The following SDK1 variants were observed in gnomAD, a reference collection of about 807,000 sequenced individuals.
The protein encoded by SDK1 is protein sidekick-1.
In SDK1, 157 loss-of-function variants were observed where a neutral mutation model predicts 245.5. The ratio of observed to expected loss-of-function variants is 0.64; its 90% confidence interval spans 0.56 to 0.73. SDK1 has a LOEUF of 0.73. SDK1 is among the 30% of genes least tolerant of loss of function. SDK1 has a pLI of 0.00. For synonymous variants in SDK1, 1,647 were observed against 1,278.5 expected (o/e 1.29, Z -6.15); for missense variants, 3,583 against 3,002.3 (o/e 1.19, Z -4.52).
chr7:4,022,385 T>TA (rs1368440022), intron 17 of SDK1, among the ~76,000 whole-genome samples: 5 of 152,162 alleles, frequency 3.3e-5, no homozygotes, highest in Non-Finnish European at 7.3e-5. Flanking sequence ...TTGACTTTAA[T>TA]AAGGCCCTTG....
chr7:4,207,682 C>A (rs566569202), intron 36 of SDK1, among the ~76,000 whole-genome samples: 1 of 152,164 alleles, frequency 6.6e-6, no homozygotes, highest in South Asian at 2.1e-4. Flanking sequence ...CACGGGGCGG[C>A]TTCCCTTCTC....
At chr7:3,502,452 G>A (rs528057242) in intron 1 of SDK1, among the ~76,000 whole-genome samples, 110 of 152,214 alleles carry the variant, frequency 7.2e-4, no homozygotes, top group African/African-American at 2.6e-3. Flanking sequence ...GTTTCCCTAT[G>A]TTGGCCAGGC....
At chr7:3,557,988 T>C (rs551331715) in intron 1 of SDK1, among the ~76,000 whole-genome samples, 1 of 152,228 alleles carries the variant, frequency 6.6e-6, no homozygotes, top group East Asian at 1.9e-4. Context: ...AAGCATAGTT[T>C]TGTTTCCCTC....
chr7:3,357,944 A>G (rs943536048), intron 1 of SDK1, among the ~76,000 whole-genome samples: 2 of 152,180 alleles, frequency 1.3e-5, no homozygotes, highest in African/African-American at 2.4e-5. Context: ...AACATAAATG[A>G]TGTAGCATAA....
intron 1 of SDK1, among the ~76,000 whole-genome samples, chr7:3,474,147 G>C (rs567750960): frequency 3.9e-5 from 5 of 129,696 alleles, no homozygotes; most frequent in African/African-American, 1.5e-4. Context: ...CTGTTGCCCA[G>C]GCTGGGGCGC....
intron 1 of SDK1, among the ~76,000 whole-genome samples, chr7:3,415,391 A>T (rs73034783): frequency 0.016 from 2,434 of 152,236 alleles, 54 homozygotes; most frequent in South Asian, 0.059. Flanking sequence ...TAGAGAAGTT[A>T]TATCTATATG....
intron 5 of SDK1, among the ~76,000 whole-genome samples, chr7:3,855,890 C>T (rs900531673): frequency 1.3e-5 from 2 of 152,152 alleles, no homozygotes; most frequent in Admixed American, 1.3e-4. Flanking sequence ...CTTTTTCAGA[C>T]ATTCACAGTC....
intron 1 of SDK1, among the ~76,000 whole-genome samples, chr7:3,554,097 C>G (rs1438602158): frequency 2.0e-5 from 3 of 152,196 alleles, no homozygotes; most frequent in African/African-American, 7.2e-5. Flanking sequence ...ACAACACAAT[C>G]AAGCAACAGG....
chr7:4,161,950 C>A, intron 32 of SDK1, 94 bp downstream of exon 32: 6 of 1,146,974 alleles, frequency 5.2e-6, no homozygotes, highest in Non-Finnish European at 7.9e-6. Context: ...GCAAGCTGAG[C>A]CCTGAGCTAA....
chr7:4,017,082 T>TC, intron 16 of SDK1, 89 bp from the exon 17 acceptor site: 1 of 1,274,668 alleles, frequency 7.8e-7, no homozygotes, highest in Non-Finnish European at 1.1e-6. Flanking sequence ...TACTTCCATT[T>TC]CCCCCTAACC....
At chr7:3,718,987 C>G (rs543683732) in intron 4 of SDK1, among the ~76,000 whole-genome samples, 1 of 152,256 alleles carries the variant, frequency 6.6e-6, no homozygotes. Flanking sequence ...CGCGTGGAAA[C>G]CAAATTAAAA....
At chr7:3,591,497 A>C (rs927936423) in intron 1 of SDK1, among the ~76,000 whole-genome samples, 1 of 152,258 alleles carries the variant, frequency 6.6e-6, no homozygotes, top group Non-Finnish European at 1.5e-5. Context: ...GAAAGTCATA[A>C]AATTAAAGAA....
intron 19 of SDK1, among the ~76,000 whole-genome samples, chr7:4,056,222 T>C (rs557887748): frequency 6.6e-6 from 1 of 152,056 alleles, no homozygotes; most frequent in African/African-American, 2.4e-5. Flanking sequence ...GTTTATCCTA[T>C]TTAGGATAAT....
intron 4 of SDK1, among the ~76,000 whole-genome samples, chr7:3,752,758 C>T (rs1345964076): frequency 6.6e-6 from 1 of 152,100 alleles, no homozygotes; most frequent in African/African-American, 2.4e-5. Flanking sequence ...TCTTCAAAGG[C>T]AAGAGCCTTA....
intron 4 of SDK1, among the ~76,000 whole-genome samples, chr7:3,684,788 A>G (rs957626194): frequency 3.5e-4 from 53 of 152,266 alleles, no homozygotes; most frequent in African/African-American, 1.2e-3. Context: ...AAATCTTAGC[A>G]CAGAAATAAA....
At chr7:3,340,589 C>T (rs1219007382) in intron 1 of SDK1, among the ~76,000 whole-genome samples, 8 of 151,960 alleles carry the variant, frequency 5.3e-5, no homozygotes, top group African/African-American at 9.7e-5. Context: ...GGTGAAACCC[C>T]GTCTCTACTA....
intron 4 of SDK1, among the ~76,000 whole-genome samples, chr7:3,700,690 C>A (rs912344816): frequency 1.3e-5 from 2 of 151,998 alleles, no homozygotes; most frequent in African/African-American, 4.8e-5. Context: ...GAACTTAAGC[C>A]CCAGAATGCC....
intron 4 of SDK1, among the ~76,000 whole-genome samples, chr7:3,722,560 C>G (rs1220629092): frequency 2.6e-5 from 4 of 152,122 alleles, no homozygotes; most frequent in Non-Finnish European, 5.9e-5. Context: ...CTGCTGAGGT[C>G]CAGGAGCTCC....
intron 5 of SDK1, among the ~76,000 whole-genome samples, chr7:3,866,640 G>T (rs1398221695): frequency 6.6e-6 from 1 of 152,100 alleles, no homozygotes; most frequent in Non-Finnish European, 1.5e-5. Context: ...GGACTCCCCT[G>T]CCCCTGCCCA....
Sources: gnomAD v4.1 joint callset for allele counts (sites outside exome capture counted in the v4.1 genomes callset) on GRCh38, gnomAD v4.1.1 for gene constraint, MANE v1.5 for transcripts, NCBI Gene and HGNC (gene_info 2026-07-23, HGNC 2026-07-21) for gene names.